MTM1: variants seen among roughly 807,000 people sequenced by gnomAD.
MTM1 encodes myotubularin 1, also known as myotubularin.
Under a neutral mutation model 52.1 loss-of-function variants are expected in MTM1, and 9 were observed. The ratio of observed to expected loss-of-function variants is 0.17; its 90% CI spans 0.10 to 0.30. The LOEUF (loss-of-function observed/expected upper bound fraction) is 0.30. Among genes scored for constraint, MTM1 ranks in the 10% least tolerant of loss-of-function variants. The pLI is 1.00. For synonymous variants in MTM1, 136 were observed against 163.8 expected, an observed-to-expected ratio of 0.83 and a Z score of 1.29; for missense variants, 277 against 470.7, an observed-to-expected ratio of 0.59 and a Z score of 3.81.
chrX:150,672,319 C>T lies in MTM1; in HGVS notation c.*724C>T. On this transcript the variant is annotated 3_prime_UTR_variant, in exon 15 of 15. Coordinates refer to ENST00000370396, the MANE Select transcript of MTM1 (RefSeq NM_000252.3). Reference sequence around the variant, plus strand: ...TTTCTAAATTCTTTCATGAGCTTGCCTAAAATTCGGAATGGTTTTCGGGTT... The same window carrying T: ...TTTCTAAATTCTTTCATGAGCTTGCTTAAAATTCGGAATGGTTTTCGGGTT... The T allele has an allele frequency of 8.9e-6, 1 of 111,811 alleles. No homozygotes were observed. The highest frequency in any genetic ancestry group is 1.9e-5 in the Non-Finnish European group (1 of 53,215). The allele number at this position is 111,811 out of a possible 1,213,427, so 9.2% of individuals were successfully genotyped here.
chrX:150,578,820 T>G (rs1308497664), intron 1 of MTM1, among the ~76,000 whole-genome samples: 1 of 109,455 alleles, frequency 9.1e-6, no homozygotes, highest in African/African-American at 3.3e-5. Context: ...GTGGAAGTAC[T>G]GCAACTTTTT....
chrX:150,664,814 T>A (rs782135560), intron 14 of MTM1, among the ~76,000 whole-genome samples: 1 of 112,638 alleles, frequency 8.9e-6, no homozygotes, highest in Admixed American at 9.4e-5. Context: ...GCCTTTTCCA[T>A]ATTTGTCATG....
At chrX:150,575,137 A>G (rs1249050479) in intron 1 of MTM1, among the ~76,000 whole-genome samples, 1 of 112,573 alleles carries the variant, frequency 8.9e-6, no homozygotes, top group Non-Finnish European at 1.9e-5. Context: ...TATGAAATGC[A>G]ATCTTCTTTC....
In MTM1 at chrX:150,583,140, T is replaced by TTATAAATATATATAAATTATATATATTA. The variant is rs1557411948; in HGVS notation, c.-10-9457_-10-9430dup. Among the ~76,000 whole-genome samples the TTATAAATATATATAAATTATATATATTA allele has an allele frequency of 3.8e-5, 3 of 78,883 alleles. No individual in the cohort carries two copies. In the East Asian group the frequency reaches 1.1e-3, roughly 30 times the overall value. The allele number at this position is 78,883 out of a possible 115,157, so 68.5% of individuals were successfully genotyped here. ...TTATGTAAATTATATATTATATAAA[T>TTATAAATATATATAAATTATATATATTA]TATAAATATATATAAATTATATATA... On this transcript the variant is annotated intron_variant, in intron 1 of 14. Coordinates refer to ENST00000370396, the MANE Select transcript of MTM1 (RefSeq NM_000252.3).
chrX:150,567,991 C>T (rs1253504621), upstream of MTM1, among the ~76,000 whole-genome samples: 1 of 112,183 alleles, frequency 8.9e-6, no homozygotes, highest in Non-Finnish European at 1.9e-5. Context: ...GAATTTTGGA[C>T]TGAAATGTTT....
chrX:150,582,252 C>G (rs16996645), intron 1 of MTM1, among the ~76,000 whole-genome samples: 1 of 110,118 alleles, frequency 9.1e-6, no homozygotes, highest in Non-Finnish European at 1.9e-5. Context: ...CTCAGAATGA[C>G]TGGCTTGTTG....
chrX:150,632,685 T>C (rs2039690674), intron 6 of MTM1, among the ~76,000 whole-genome samples: 1 of 110,870 alleles, frequency 9.0e-6, no homozygotes, highest in African/African-American at 3.3e-5. Flanking sequence ...CAGATGATGC[T>C]TTTGAGAAAG....
intron 13 of MTM1, among the ~76,000 whole-genome samples, chrX:150,662,133 C>T (rs1236776898): frequency 9.0e-5 from 10 of 110,891 alleles, no homozygotes; most frequent in Admixed American, 4.8e-4. Context: ...TTTTTCATAA[C>T]CTTGTCAAAC....
chrX:150,654,801 A>G (rs2040082702), intron 10 of MTM1, among the ~76,000 whole-genome samples: 1 of 111,884 alleles, frequency 8.9e-6, no homozygotes, highest in African/African-American at 3.3e-5. Flanking sequence ...AGTTAAAATA[A>G]GCGAATTTCC....
At chrX:150,666,260 ACTCTT>A (rs1401515371) in intron 14 of MTM1, among the ~76,000 whole-genome samples, 5 of 111,244 alleles carry the variant, frequency 4.5e-5, no homozygotes, top group African/African-American at 1.3e-4. Flanking sequence ...TCACAAATGG[ACTCTT>A]CTCTTCTTTT....
intron 1 of MTM1, among the ~76,000 whole-genome samples, chrX:150,586,088 TATC>T (rs376633688): frequency 2.4e-4 from 27 of 112,491 alleles, no homozygotes; most frequent in African/African-American, 8.1e-4. Flanking sequence ...GGGGTAGGTA[TATC>T]ATCATGTTTA....
intron 6 of MTM1, among the ~76,000 whole-genome samples, chrX:150,632,007 G>A (rs2039679608): frequency 8.9e-6 from 1 of 112,021 alleles, no homozygotes; most frequent in Non-Finnish European, 1.9e-5. Flanking sequence ...ATGGTAGAAC[G>A]AGCCTCCCCT....
intron 1 of MTM1, among the ~76,000 whole-genome samples, chrX:150,587,861 C>T (rs2038817541): frequency 9.0e-6 from 1 of 111,686 alleles, no homozygotes; most frequent in South Asian, 3.7e-4. Flanking sequence ...TTGAAAAATA[C>T]ATTATTTTAT....
At chrX:150,590,867 A>G (rs989513702) in intron 1 of MTM1, among the ~76,000 whole-genome samples, 2 of 112,045 alleles carry the variant, frequency 1.8e-5, no homozygotes, top group African/African-American at 6.5e-5. Context: ...TAAAGTATCT[A>G]TACTAAAAGG....
chrX:150,585,878 C>G (rs2038778202), intron 1 of MTM1, among the ~76,000 whole-genome samples: 1 of 111,840 alleles, frequency 8.9e-6, no homozygotes, highest in South Asian at 3.7e-4. Flanking sequence ...TACCCTGTTC[C>G]ATGGCCACAG....
intron 1 of MTM1, among the ~76,000 whole-genome samples, chrX:150,573,757 G>A (rs73250554): frequency 0.12 from 13,910 of 111,388 alleles, 784 homozygotes; most frequent in African/African-American, 0.23. Context: ...TGGGGATTTA[G>A]GAGAATAGGT....
chrX:150,645,719 A>G lies in MTM1; in HGVS notation c.715A>G (p.Ile239Val). Residue 239 changes from isoleucine (I) to valine (V), a missense_variant, in exon 9 of 15, where the codon ATT (isoleucine) becomes GTT (valine). Physicochemically the swap from Ile to Val is conservative, Grantham distance 29 (BLOSUM62 3). Coordinates refer to ENST00000370396, the MANE Select transcript of MTM1 (RefSeq NM_000252.3). ...SWIHPENKTV[I>V]VRCSQPLVGM... ...GATTCATCCAGAAAATAAGACGGTC[A>G]TTGTGCGTTGCAGTCAGCCTCTTGT... 2 of 1,211,872 alleles carry G rather than the reference A, an allele frequency of 1.7e-6. No homozygotes were observed. Among genetic ancestry groups the G allele is most frequent in the East Asian group, 3.0e-5 (1 of 33,866 alleles).
chrX:150,583,304 TA>T (rs2038641594), intron 1 of MTM1, among the ~76,000 whole-genome samples: 3 of 50,339 alleles, frequency 6.0e-5, no homozygotes, highest in African/African-American at 7.7e-5. Context: ...TTATATATAT[TA>T]TATATAATTA....
intron 2 of MTM1, among the ~76,000 whole-genome samples, chrX:150,593,617 G>A (rs1557412546): frequency 9.0e-6 from 1 of 111,715 alleles, no homozygotes; most frequent in African/African-American, 3.3e-5. Context: ...GGGAGCAAAA[G>A]GTGATCTTTT....
Sources: gnomAD v4.1 joint callset for allele counts (sites outside exome capture counted in the v4.1 genomes callset) on GRCh38, gnomAD v4.1.1 for gene constraint, MANE v1.5 for transcripts, NCBI Gene and HGNC (gene_info 2026-07-23, HGNC 2026-07-21) for gene names.